Variants in ADGRB2 observed in about 807,000 individuals in gnomAD.
ADGRB2 encodes the protein adhesion G protein-coupled receptor B2.
In ADGRB2, 47 loss-of-function variants were observed where a neutral mutation model predicts 178.7. The observed-to-expected ratio is 0.26, with a 90% CI of 0.21 to 0.34. The LOEUF (loss-of-function observed/expected upper bound fraction) is 0.34. ADGRB2 is among the 10% of genes least tolerant of loss of function. The pLI is 1.00. For synonymous variants in ADGRB2, 870 were observed against 912.4 expected, an observed-to-expected ratio of 0.95 and a Z score of 0.84; for missense variants, 1,584 against 2,180.8, an observed-to-expected ratio of 0.73 and a Z score of 5.45.
chr1:31,737,335 T>C lies in ADGRB2; in HGVS notation c.2979+94A>G. 4 of 1,181,604 alleles carry C rather than the reference T, an allele frequency of 3.4e-6. No individual in the cohort carries two copies. In the Middle Eastern group the frequency reaches 8.9e-4, roughly 263 times the overall value. 73.2% of individuals were successfully genotyped at this position (1,181,604 alleles called of 1,614,324 possible). A position where few individuals can be genotyped will look rare whatever the true frequency, so the allele number is the denominator to read the frequency against. ...ACATGGGGCACACATACACCACCAC[T>C]AATGGACGTACAAGCAAACACACAC... On this transcript the variant is annotated intron_variant, in intron 20 of 32. Coordinates refer to ENST00000373658, the MANE Select transcript of ADGRB2 (RefSeq NM_001364857.2).
Position 31,755,952 on chromosome 1 carries a change from G to A in ADGRB2, c.838+47C>T. The A allele has an allele frequency of 6.4e-7, 1 of 1,560,126 alleles. No homozygotes were observed. Among genetic ancestry groups the A allele is most frequent in the Non-Finnish European group, 8.7e-7 (1 of 1,149,352 alleles). ...TGCCAGGATGGACACCAGGGACACT[G>A]TCAGCCCCTGCAGACCCCGCCCCAC... On this transcript the variant is annotated intron_variant, in intron 4 of 32. Coordinates refer to ENST00000373658, the MANE Select transcript of ADGRB2 (RefSeq NM_001364857.2). This position sits in a 1 kb window ranked among gnomAD's most constrained non-coding sequence, Gnocchi z 5.1.
intron 4 of ADGRB2, among the ~76,000 whole-genome samples, chr1:31,748,200 T>C (rs989015499): frequency 4.6e-5 from 7 of 152,172 alleles, no homozygotes; most frequent in Admixed American, 1.3e-4. Context: ...CGGGAGTGGG[T>C]TGGGGTCAGT....
At position 31,742,033 on chromosome 1, in the gene ADGRB2, C is replaced by T. The variant is rs777302387; in HGVS notation, c.1417+20G>A. 3.1e-6 allele frequency: 5 copies of T among 1,594,222 alleles called. No individual in the cohort carries two copies. In the African/African-American group the frequency reaches 6.7e-5, roughly 21 times the overall value. On this transcript the variant is annotated intron_variant, in intron 8 of 32. Coordinates refer to ENST00000373658, the MANE Select transcript of ADGRB2 (RefSeq NM_001364857.2). Reference sequence around the variant, plus strand: ...CCATGGTCAGAGCTGCAACTTGCCACCACTGTGCCAAGCACTCACCCGGGC... The same window carrying T: ...CCATGGTCAGAGCTGCAACTTGCCATCACTGTGCCAAGCACTCACCCGGGC...
rs1346170402 is a variant in ADGRB2 at position 31,727,463 on chromosome 1, T to G, written c.4715A>C (p.Glu1572Ala). ...RLTLHRAAAW[E>A]PTEPPDGDFQ... ...GTCACCATCCGGTGGTTCTGTGGGC[T>G]CCCAGGCTGCTGCCCGGTGCAGAGT... The change falls in exon 33 of 33, where the codon GAG becomes GCG. Residue 1572 changes from glutamate (E) to alanine (A), a missense_variant. Glu to Ala is a moderately radical substitution (Grantham distance 107). Transcript: ENST00000373658. The surrounding 1 kb of genome is among the most constrained non-coding windows in gnomAD (Gnocchi z 4.4). 1.3e-6 allele frequency: 2 copies of G among 1,591,044 alleles called. No individual in the cohort carries two copies. Among genetic ancestry groups the G allele is most frequent in the South Asian group, 2.3e-5 (2 of 87,376 alleles).
intron 15 of ADGRB2, 113 bp downstream of exon 15, chr1:31,739,195 G>A: frequency 8.5e-7 from 1 of 1,175,206 alleles, no homozygotes; most frequent in East Asian, 2.6e-5. Flanking sequence ...GTTCCTGAAG[G>A]TGGAGGAGGC....
chr1:31,740,416 C>T lies in ADGRB2; in HGVS notation c.1920G>A (p.Val640=). 1 of 1,614,090 alleles carries T rather than the reference C, an allele frequency of 6.2e-7. No individual in the cohort carries two copies. The highest frequency in any genetic ancestry group is 1.1e-5 in the South Asian group (1 of 91,068). The part of the protein sequence containing the change: ...TYYSGDLLFS[V]DILRNVTDTF... ...TGTCAGTGACATTCCTCAGAATGTC[C>T]ACAGAGAAGAGCAGGTCCCCACTAT... Residue 640 remains valine, a synonymous_variant, in exon 12 of 33, where the codon GTG becomes GTA. Coordinates refer to ENST00000373658, the MANE Select transcript of ADGRB2 (RefSeq NM_001364857.2). The surrounding 1 kb of genome is among the most constrained non-coding windows in gnomAD (Gnocchi z 5.9).
At chr1:31,731,478 C>CA in intron 28 of ADGRB2, 59 bp from the exon 29 acceptor site, 1 of 1,517,632 alleles carries the variant, frequency 6.6e-7, no homozygotes, top group Non-Finnish European at 8.8e-7. Context: ...CTCCAGATGC[C>CA]ATTGCCCAGG....
Position 31,735,132 on chromosome 1 carries a change from C to CCAAT in ADGRB2, c.3452+50_3452+51insATTG. On this transcript the variant is annotated intron_variant, in intron 25 of 32. Transcript: ENST00000373658. This position sits in a 1 kb window ranked among gnomAD's most constrained non-coding sequence, Gnocchi z 6.0. ...CCCCCACCATGGGCACTGCCCCCCC[C>CCAAT]AATTCCTTTGCCCCACCCACCCCCA... 8.3e-7 allele frequency: 1 copy of CCAAT among 1,204,608 alleles called. No homozygotes were observed. The highest frequency in any genetic ancestry group is 1.1e-6 in the Non-Finnish European group (1 of 893,752). 74.6% of individuals were successfully genotyped at this position (1,204,608 alleles called of 1,614,324 possible). A position where few individuals can be genotyped will look rare whatever the true frequency, so the allele number is the denominator to read the frequency against.
In ADGRB2 at chr1:31,754,646, C is replaced by T. The variant is rs561344446; in HGVS notation, c.838+1353G>A. Among the ~76,000 whole-genome samples, 82 of 152,374 alleles carry T rather than the reference C, an allele frequency of 5.4e-4. No individual in the cohort carries two copies. Among genetic ancestry groups the T allele is most frequent in the South Asian group, 2.9e-3 (14 of 4,832 alleles). On this transcript the variant is annotated intron_variant, in intron 4 of 32. Transcript: ENST00000373658. This position sits in a 1 kb window ranked among gnomAD's most constrained non-coding sequence, Gnocchi z 5.7. ...GCCTGGGAGAGAGGCCACAGCAAAG[C>T]CACCGGGCACTTGCCGTGGATGGGC...
In ADGRB2 at chr1:31,735,749, C is replaced by T. The variant is rs1047179629; in HGVS notation, c.3267+78G>A. The T allele has an allele frequency of 1.5e-5, 24 of 1,577,954 alleles. 1 individual carries two copies. Among genetic ancestry groups the T allele is most frequent in the African/African-American group, 9.4e-5 (7 of 74,180 alleles). Reference sequence around the variant, plus strand: ...GGAAATCCCCATGTGGGAGCTGGAGCGCAGGGAGGAGGTAGAGGGAGAAAC... The same window carrying T: ...GGAAATCCCCATGTGGGAGCTGGAGTGCAGGGAGGAGGTAGAGGGAGAAAC... On this transcript the variant is annotated intron_variant, in intron 23 of 32. Coordinates refer to ENST00000373658, the MANE Select transcript of ADGRB2 (RefSeq NM_001364857.2). The surrounding 1 kb of genome is among the most constrained non-coding windows in gnomAD (Gnocchi z 6.0).
intron 25 of ADGRB2, among the ~76,000 whole-genome samples, chr1:31,734,846 C>A (rs1282986887): frequency 6.6e-6 from 1 of 152,106 alleles, no homozygotes; most frequent in African/African-American, 2.4e-5. Context: ...TTCTAAGGTT[C>A]TATAGCTCAA....
rs1646151362 is a variant in ADGRB2 at position 31,744,250 on chromosome 1, G to A, written c.1030C>T (p.Leu344=). ...RSCVSSPYGT[L]CSGPLRETRP... ...GTCTCCCGCAGGGGCCCGCTGCACA[G>A]GGTCCCATAGGGGGAGGACACACAG... Residue 344 remains leucine, a synonymous_variant, in exon 6 of 33, where the codon CTG becomes TTG. Transcript: ENST00000373658. The surrounding 1 kb of genome is among the most constrained non-coding windows in gnomAD (Gnocchi z 6.7). 1 of 1,550,228 alleles carries A rather than the reference G, an allele frequency of 6.5e-7. No individual in the cohort carries two copies. The highest frequency in any genetic ancestry group is 8.7e-7 in the Non-Finnish European group (1 of 1,146,248).
In ADGRB2 at chr1:31,732,966, C is replaced by A; in HGVS notation, c.3624+6G>T. The A allele has an allele frequency of 6.4e-7, 1 of 1,550,594 alleles. No individual in the cohort carries two copies. The highest frequency in any genetic ancestry group is 8.7e-7 in the Non-Finnish European group (1 of 1,147,240). ...GCACACACAGGCGGGAGAGGCCCAG[C>A]CCCACCTCTCGGCGCAGGAAGCAGT... On this transcript the variant is annotated splice_donor_region_variant and intron_variant, in intron 26 of 32. Coordinates refer to ENST00000373658, the MANE Select transcript of ADGRB2 (RefSeq NM_001364857.2).
chr1:31,739,694 A>G, intron 14 of ADGRB2, 59 bp from the exon 15 acceptor site: 1 of 1,519,132 alleles, frequency 6.6e-7, no homozygotes, highest in Non-Finnish European at 8.9e-7. Flanking sequence ...AGGGTGGCAG[A>G]CCAGGGGAAG....
intron 28 of ADGRB2, 79 bp from the exon 29 acceptor site, chr1:31,731,498 T>C: frequency 1.3e-6 from 2 of 1,493,872 alleles, no homozygotes; most frequent in Non-Finnish European, 1.8e-6. Context: ...GCTGGGGAGG[T>C]ACCAAGCTTC....
chr1:31,742,802 G>A (rs1301793566), intron 7 of ADGRB2, 36 bp downstream of exon 7: 3 of 1,402,946 alleles, frequency 2.1e-6, no homozygotes, highest in Middle Eastern at 2.3e-4. Context: ...ACCGGGCTGG[G>A]CAGCGCCCTC....
At position 31,757,426 on chromosome 1, in the gene ADGRB2, GTGCCAGGAACTGCGCACAACCTGAGCCA is replaced by G; in HGVS notation, c.-133_-106del. On this transcript the variant is annotated 5_prime_UTR_variant, in exon 2 of 33. The change abolishes an upstream ATG in the 5' untranslated region. Transcript: ENST00000373658. ...AGAAAGGGGCGGAGTTACAGCCAGTGTGCCAGGAACTGCGCACAACCTGAGCCATGCCCACAGGAGGGCACTGTCAGTG... is the reference window on the plus strand; with the variant it reads ...AGAAAGGGGCGGAGTTACAGCCAGTGTGCCCACAGGAGGGCACTGTCAGTG... The G allele has an allele frequency of 1.5e-6, 1 of 685,242 alleles. No individual in the cohort carries two copies. The highest frequency in any genetic ancestry group is 2.8e-5 in the East Asian group (1 of 36,316). The allele number at this position is 685,242 out of a possible 1,614,324, so 42.4% of individuals were successfully genotyped here.
Position 31,727,373 on chromosome 1 carries a change from T to C in ADGRB2, c.*47A>G. The C allele has an allele frequency of 6.5e-7, 1 of 1,527,198 alleles. No homozygotes were observed. Among genetic ancestry groups the C allele is most frequent in the Non-Finnish European group, 8.7e-7 (1 of 1,146,960 alleles). The allele number at this position is 1,527,198 out of a possible 1,614,324, so 94.6% of individuals were successfully genotyped here. The stretch of plus-strand genomic sequence containing the variant: ...GTAGTTCCAAAGTGGAGTGTGAAAA[T>C]AGAGAGATATATATATTTATATGCA... On this transcript the variant is annotated 3_prime_UTR_variant, in exon 33 of 33. Transcript: ENST00000373658. The surrounding 1 kb of genome is among the most constrained non-coding windows in gnomAD (Gnocchi z 4.4).
Position 31,740,910 on chromosome 1 carries a change from C to CAT in ADGRB2, c.1795-370_1795-369insAT. On this transcript the variant is annotated intron_variant, in intron 11 of 32. Coordinates refer to ENST00000373658, the MANE Select transcript of ADGRB2 (RefSeq NM_001364857.2). This position sits in a 1 kb window ranked among gnomAD's most constrained non-coding sequence, Gnocchi z 5.9. ...GGGCGCGCGCGCACACACACACACA[C>CAT]ACACACACACACACACTGTCTTTCT... Among the ~76,000 whole-genome samples the CAT allele has an allele frequency of 6.6e-6, 1 of 150,802 alleles. No homozygotes were observed. The highest frequency in any genetic ancestry group is 2.1e-4 in the South Asian group (1 of 4,742).
Sources: allele counts gnomAD v4.1 joint callset (sites outside exome capture counted in the v4.1 genomes callset), GRCh38; gene constraint gnomAD v4.1.1; non-coding constraint Gnocchi (gnomAD v3.1); transcripts MANE v1.5; gene names NCBI Gene and HGNC (gene_info 2026-07-23, HGNC 2026-07-21).